The following ATRN variants were observed in gnomAD, a reference collection of about 807,000 sequenced individuals.
ATRN encodes the protein attractin.
ATRN carries 54 observed loss-of-function variants against 178.7 expected under a neutral mutation model. The ratio of observed to expected loss-of-function variants is 0.30; its 90% CI spans 0.24 to 0.38. The LOEUF (loss-of-function observed/expected upper bound fraction) is 0.38. ATRN is among the 10% of genes least tolerant of loss of function. The pLI is 1.00. For synonymous variants in ATRN, 636 were observed against 663.0 expected (o/e 0.96, Z 0.63); for missense variants, 1,443 against 1,815.1 (o/e 0.79, Z 3.73).
At position 3,556,777 on chromosome 20, in the gene ATRN, TTCTTG is replaced by T. The variant is rs760212726; in HGVS notation, c.1113-2611_1113-2607del. 1.2e-4 allele frequency among the ~76,000 whole-genome samples: 18 copies of T among 152,318 alleles called. No homozygotes were observed. The East Asian group carries it at 2.5e-3, about 21-fold the overall frequency. ...TTTATGTTTTATTGCATCAGTATCG[TTCTTG>T]TCTTATGTTTTTTTTTCTCTGTGTT... On this transcript the variant is annotated intron_variant, in intron 6 of 28. Transcript: ENST00000262919.
chr20:3,618,595 G>A (rs1453560496), intron 24 of ATRN, among the ~76,000 whole-genome samples: 1 of 152,206 alleles, frequency 6.6e-6, no homozygotes, highest in Non-Finnish European at 1.5e-5. Flanking sequence ...AGAAAGCACA[G>A]AGCAGTATTG....
chr20:3,540,721 G>T (rs1046387366), intron 3 of ATRN, among the ~76,000 whole-genome samples: 7 of 152,078 alleles, frequency 4.6e-5, no homozygotes, highest in Non-Finnish European at 7.4e-5. Context: ...CTTGTGTATT[G>T]CCCACTGCAT....
At chr20:3,486,888 T>A (rs569113819) in intron 1 of ATRN, among the ~76,000 whole-genome samples, 4 of 152,344 alleles carry the variant, frequency 2.6e-5, no homozygotes, top group African/African-American at 9.6e-5. Flanking sequence ...TCTCAGGTAT[T>A]ATCTTTTGAA....
chr20:3,628,967 C>A, intron 25 of ATRN: 1 of 985,336 alleles, frequency 1.0e-6, no homozygotes, highest in Non-Finnish European at 1.2e-6. Context: ...ATCTGCAGCA[C>A]GACATGCCCA....
At chr20:3,490,139 C>T (rs1342594018) in intron 1 of ATRN, 2 of 1,488,742 alleles carry the variant, frequency 1.3e-6, no homozygotes, top group South Asian at 2.3e-5. Context: ...TATCAAGTGA[C>T]TCCAGGGACT....
chr20:3,633,345 G>T (rs1421209883), intron 25 of ATRN, among the ~76,000 whole-genome samples: 3 of 152,172 alleles, frequency 2.0e-5, no homozygotes, highest in East Asian at 3.8e-4. Context: ...GGGCAGTTCA[G>T]TCATCCTAGC....
chr20:3,482,650 A>C (rs1178072804), intron 1 of ATRN, among the ~76,000 whole-genome samples: 2 of 152,214 alleles, frequency 1.3e-5, no homozygotes, highest in African/African-American at 4.8e-5. Context: ...CTTGAGACAG[A>C]TCTGCAGAAT....
chr20:3,515,703 G>A (rs2085197611), intron 1 of ATRN, among the ~76,000 whole-genome samples: 2 of 152,148 alleles, frequency 1.3e-5, no homozygotes, highest in Non-Finnish European at 2.9e-5. Flanking sequence ...AAGAATATGA[G>A]CAGAAGGGGG....
rs2086553539 is a variant in ATRN, at chr20:3,597,940, T to C, written c.3504T>C (p.Ser1168=). The C allele has an allele frequency of 1.2e-6, 2 of 1,611,812 alleles. No individual in the cohort carries two copies. Among genetic ancestry groups the C allele is most frequent in the Non-Finnish European group, 1.7e-6 (2 of 1,178,136 alleles). Residue 1168 remains serine (S), a synonymous_variant, in exon 22 of 29, where the codon AGT becomes AGC. Coordinates refer to ENST00000262919, the MANE Select transcript of ATRN (RefSeq NM_139321.3). ...TLLIDYQFTF[S]LSQEDDRYYT... ...TTATTGACTATCAGTTCACCTTTAG[T>C]CTATCCCAGGAAGATGATCGCTATT... is the stretch of plus-strand genomic sequence containing the variant.
At chr20:3,582,450 A>G (rs2086294620) in intron 16 of ATRN, 96 bp downstream of exon 16, 1 of 1,087,702 alleles carries the variant, frequency 9.2e-7, no homozygotes, top group Non-Finnish European at 1.4e-6. Flanking sequence ...AGTAGTCATG[A>G]AAACAGATGA....
At chr20:3,512,107 A>ATATATATATATATATATATTTTTTTTTT in intron 1 of ATRN, among the ~76,000 whole-genome samples, 1 of 106,400 alleles carries the variant, frequency 9.4e-6, no homozygotes, top group African/African-American at 4.4e-5. Context: ...ATATATATAT[A>ATATATATATATATATATATTTTTTTTTT]TTTTTTTTTT....
At chr20:3,523,959 A>G (rs1382987908) in intron 1 of ATRN, among the ~76,000 whole-genome samples, 1 of 152,226 alleles carries the variant, frequency 6.6e-6, no homozygotes, top group African/African-American at 2.4e-5. Flanking sequence ...CCACTGTAAA[A>G]ACATACCAAA....
At chr20:3,584,358 A>G (rs1363877820) in intron 17 of ATRN, among the ~76,000 whole-genome samples, 1 of 152,194 alleles carries the variant, frequency 6.6e-6, no homozygotes, top group East Asian at 1.9e-4. Flanking sequence ...AATCCATGTA[A>G]TATCTCCATA....
chr20:3,572,993 A>T, intron 12 of ATRN, 42 bp downstream of exon 12: 1 of 1,542,644 alleles, frequency 6.5e-7, no homozygotes, highest in Non-Finnish European at 8.9e-7. Flanking sequence ...TGAATTTGAG[A>T]CCTCATTTTA....
chr20:3,552,333 CT>C (rs1220256565), intron 6 of ATRN, among the ~76,000 whole-genome samples: 4 of 152,184 alleles, frequency 2.6e-5, no homozygotes, highest in Admixed American at 6.5e-5. Flanking sequence ...ATCTCCAGCT[CT>C]TTAATTGACA....
chr20:3,586,297 T>TA (rs547253978), intron 18 of ATRN, among the ~76,000 whole-genome samples: 8 of 152,192 alleles, frequency 5.3e-5, no homozygotes, highest in Non-Finnish European at 8.8e-5. Context: ...TGGATTACCC[T>TA]AAAAAAACAT....
intron 25 of ATRN, among the ~76,000 whole-genome samples, chr20:3,625,474 G>A (rs2086930722): frequency 6.6e-6 from 1 of 152,174 alleles, no homozygotes; most frequent in Admixed American, 6.5e-5. Context: ...CCTAAATGTA[G>A]TATTTGCCAT....
At chr20:3,474,480 G>A (rs755678459) in intron 1 of ATRN, among the ~76,000 whole-genome samples, 12 of 151,926 alleles carry the variant, frequency 7.9e-5, no homozygotes, top group East Asian at 1.9e-4. Flanking sequence ...AGGCCGAGGC[G>A]GTGTATCACG....
At position 3,565,334 on chromosome 20, in the gene ATRN, T is replaced by A. The variant is rs771966752; in HGVS notation, c.1787-14T>A. On this transcript the variant is annotated splice_polypyrimidine_tract_variant and intron_variant, in intron 10 of 28. Coordinates refer to ENST00000262919, the MANE Select transcript of ATRN (RefSeq NM_139321.3). ...ATGGTAGTCCGTTTAAAAATATATT[T>A]TTCTTTCTCCTAGCCTGTGACCGCT... 1.2e-6 allele frequency: 2 copies of A among 1,606,408 alleles called. No homozygotes were observed. Among genetic ancestry groups the A allele is most frequent in the Non-Finnish European group, 1.7e-6 (2 of 1,174,990 alleles).
Sources: gnomAD v4.1 joint callset for allele counts (sites outside exome capture counted in the v4.1 genomes callset) on GRCh38, gnomAD v4.1.1 for gene constraint, MANE v1.5 for transcripts, NCBI Gene and HGNC (gene_info 2026-07-23, HGNC 2026-07-21) for gene names.